The following MED12 variants were observed in gnomAD, a reference collection of about 807,000 sequenced individuals.
The protein encoded by MED12 is mediator of RNA polymerase II transcription subunit 12.
In MED12, 10 loss-of-function variants were observed where a neutral mutation model predicts 177.7. The ratio of observed to expected loss-of-function variants is 0.06; its 90% CI spans 0.03 to 0.10. The LOEUF is 0.10. Ranked by LOEUF, MED12 falls within the 10% of genes least tolerant of loss-of-function variation. The probability of loss-of-function intolerance (pLI) is 1.00; values close to 1 mark genes in which losing one functional copy is unlikely to be tolerated. For missense variants in MED12, 867 were observed against 1,780.8 expected (o/e 0.49, Z 9.23); for synonymous variants, 641 against 678.4 (o/e 0.94, Z 0.86).
chrX:71,136,114 C>T (rs1331397898), intron 36 of MED12, among the ~76,000 whole-genome samples, 167 bp from the exon 37 acceptor site: 2 of 110,142 alleles, frequency 1.8e-5, no homozygotes, highest in African/African-American at 3.3e-5. Flanking sequence ...ACTCTCTCCC[C>T]GCATAACTCT....
intron 41 of MED12, among the ~76,000 whole-genome samples, chrX:71,139,722 A>C (rs2092341786): frequency 9.0e-6 from 1 of 110,736 alleles, no homozygotes; most frequent in Admixed American, 9.6e-5. Context: ...AACATGGTGA[A>C]ATCCCGTCTC....
At position 71,121,449 on chromosome X, in the gene MED12, A is replaced by C; in HGVS notation, c.846+12A>C. On this transcript the variant is annotated intron_variant, in intron 6 of 44. Transcript: ENST00000374080. ...CTCTGCTTCTCCGAGTAAGGCTTGG[A>C]ATTTTGGTACTGGTGGGGCAGGGGG... The C allele has an allele frequency of 4.1e-6, 5 of 1,209,734 alleles. No homozygotes were observed. The highest frequency in any genetic ancestry group is 5.6e-6 in the Non-Finnish European group (5 of 894,002).
Position 71,121,888 on chromosome X carries a change from T to G in MED12, c.1101+72T>G, listed in dbSNP as rs751750422. On this transcript the variant is annotated intron_variant, in intron 7 of 44. Coordinates refer to ENST00000374080, the MANE Select transcript of MED12 (RefSeq NM_005120.3). ...AGAATCAGGTGCCCATCCCAGAGAA[T>G]AGGGGTAATTCCAAATTGGATGTGG... is the stretch of plus-strand genomic sequence containing the variant. 5.9e-6 allele frequency: 7 copies of G among 1,185,849 alleles called. No individual in the cohort carries two copies. The Admixed American group carries it at 6.6e-5, about 11-fold the overall frequency.
rs1355978865 is a variant in MED12, at chrX:71,140,245, A to AT, written c.6045-381dup. Among the ~76,000 whole-genome samples, 18 of 104,578 alleles carry AT rather than the reference A, an allele frequency of 1.7e-4. 1 individual carries two copies. The highest frequency in any genetic ancestry group is 1.2e-3 in the Admixed American group (12 of 9,744). 90.8% of individuals were successfully genotyped at this position (104,578 alleles called of 115,157 possible). On this transcript the variant is annotated intron_variant, in intron 41 of 44. Coordinates refer to ENST00000374080, the MANE Select transcript of MED12 (RefSeq NM_005120.3). ...CAGGCATCCACTACCACGCTCAGCTATTTTTTTTTGTATTTTTGCTAGAGA... is the reference window on the plus strand; with the variant it reads ...CAGGCATCCACTACCACGCTCAGCTATTTTTTTTTTGTATTTTTGCTAGAGA...
At chrX:71,127,202 A>G in intron 20 of MED12, 70 bp downstream of exon 20, 1 of 1,152,754 alleles carries the variant, frequency 8.7e-7, no homozygotes. Context: ...TGGGAAGAGC[A>G]TGCACTTCCT....
In MED12 at chrX:71,136,871, TCACA is replaced by T. The variant is rs747916738; in HGVS notation, c.5401-5_5401-2del. On this transcript the variant is annotated splice_region_variant and splice_polypyrimidine_tract_variant and intron_variant, in intron 37 of 44. Transcript: ENST00000374080. ...CCCACTCACCCTCTTCCTCTGCCAC[TCACA>T]CAGGACTATGGAATGGGCCCGGGTC... The T allele has an allele frequency of 3.3e-6, 4 of 1,209,196 alleles. No homozygotes were observed. In the South Asian group the frequency reaches 7.0e-5, roughly 21 times the overall value.
intron 35 of MED12, 94 bp from the exon 36 acceptor site, chrX:71,134,998 T>A (rs2092328597): frequency 2.6e-6 from 3 of 1,154,265 alleles, no homozygotes; most frequent in Admixed American, 4.5e-5. Context: ...TGAGTGGGGG[T>A]CTTCTCTGTG....
chrX:71,132,099 C>T lies in MED12; in HGVS notation c.4146C>T (p.Ile1382=), dbSNP rs923552252. The T allele has an allele frequency of 5.8e-6, 7 of 1,209,050 alleles. No homozygotes were observed. In the Admixed American group the frequency reaches 8.7e-5, roughly 15 times the overall value. Residue 1382 remains isoleucine (I), a synonymous_variant, in exon 30 of 45, where the codon ATC becomes ATT. Coordinates refer to ENST00000374080, the MANE Select transcript of MED12 (RefSeq NM_005120.3). ...NNEMNSLLEN[I]AKATIEVFQQ... is the part of the protein sequence containing the mutation. Reference sequence around the variant, plus strand: ...AGATGAACTCCCTCTTGGAGAACATCGCCAAGGCCACAATCGAGGTTTTCC... The same window carrying T: ...AGATGAACTCCCTCTTGGAGAACATTGCCAAGGCCACAATCGAGGTTTTCC...
chrX:71,119,539 C>T (rs1267782121), intron 2 of MED12, 62 bp downstream of exon 2: 1 of 1,105,642 alleles, frequency 9.0e-7, no homozygotes, highest in Non-Finnish European at 1.2e-6. Flanking sequence ...AGCAAAGGCC[C>T]TGGGTTGGGA....
chrX:71,126,099 T>C lies in MED12; in HGVS notation c.2486T>C (p.Ile829Thr), dbSNP rs1349164055. The change falls in exon 18 of 45, where the codon ATC becomes ACC. Residue 829 changes from isoleucine (I) to threonine (T), a missense_variant. By Grantham distance (89) the Ile-to-Thr change is moderately conservative. This residue lies in a region of MED12 where 309 missense variants were observed against 556.3 expected (regional missense o/e 0.56). Transcript: ENST00000374080. ...RPEAFPTAED[I>T]FAKFQHLSHY... ...GAAGCCTTCCCCACTGCTGAAGATA[T>C]CTTTGCTAAGTTCCAGCACCTTTCA... The C allele has an allele frequency of 1.7e-6, 2 of 1,209,852 alleles. No individual in the cohort carries two copies. Among genetic ancestry groups the C allele is most frequent in the East Asian group, 3.0e-5 (1 of 33,765 alleles).
At position 71,124,265 on chromosome X, in the gene MED12, T is replaced by G. The variant is rs1249856863; in HGVS notation, c.1851T>G (p.Thr617=). ...TCTCCCACAACATGTATACTTGCAC[T>G]CTCATCTCCCGAGGGGACCTTGCCT... ...DVFSHNMYTC[T]LISRGDLAFG... The change falls in exon 13 of 45, where the codon ACT becomes ACG. Residue 617 remains threonine, a synonymous_variant. Coordinates refer to ENST00000374080, the MANE Select transcript of MED12 (RefSeq NM_005120.3). 8.3e-7 allele frequency: 1 copy of G among 1,208,655 alleles called. No homozygotes were observed. The highest frequency in any genetic ancestry group is 1.8e-5 in the African/African-American group (1 of 57,020).
At chrX:71,141,438 G>T (rs906760415) in intron 43 of MED12, 68 bp downstream of exon 43, 12 of 1,141,244 alleles carry the variant, frequency 1.1e-5, no homozygotes, top group Non-Finnish European at 1.4e-5. Context: ...CCAGTGAACT[G>T]GGTTGGGGAC....
intron 12 of MED12, 126 bp downstream of exon 12, chrX:71,123,846 T>C: frequency 4.1e-6 from 3 of 723,169 alleles, no homozygotes; most frequent in Non-Finnish European, 6.2e-6. Flanking sequence ...AGAATGACTT[T>C]TAGATGTAGT....
At chrX:71,123,379 C>T (rs1325087841) in intron 11 of MED12, among the ~76,000 whole-genome samples, 153 bp downstream of exon 11, 1 of 110,872 alleles carries the variant, frequency 9.0e-6, no homozygotes, top group Non-Finnish European at 1.9e-5. Flanking sequence ...AAGTTACGGA[C>T]GTGAGGCGAA....
At chrX:71,134,141 G>A (rs1260247021) in intron 33 of MED12, among the ~76,000 whole-genome samples, 1 of 106,232 alleles carries the variant, frequency 9.4e-6, no homozygotes, top group African/African-American at 3.4e-5. Context: ...TGAGGCAGGA[G>A]AATGGCGTGA....
At chrX:71,119,187 A>G (rs1009660913) in intron 1 of MED12, among the ~76,000 whole-genome samples, 186 bp from the exon 2 acceptor site, 7 of 110,156 alleles carry the variant, frequency 6.4e-5, no homozygotes, top group Non-Finnish European at 1.9e-5. Context: ...TGGGAATCCT[A>G]GTGACCATGG....
rs763326717 is a variant in MED12, at chrX:71,142,239, G to T, written c.*21G>T. ...ACTGAGCCACCTGGAGGAACTGCTT[G>T]TGCACTGGATGTGGCCCCACCCTTT... is the stretch of plus-strand genomic sequence containing the variant. On this transcript the variant is annotated 3_prime_UTR_variant, in exon 45 of 45. Transcript: ENST00000374080. 10 of 1,205,335 alleles carry T rather than the reference G, an allele frequency of 8.3e-6. No individual in the cohort carries two copies. The highest frequency in any genetic ancestry group is 7.0e-5 in the South Asian group (4 of 56,856).
At chrX:71,130,543 A>G (rs2092314388) in intron 28 of MED12, among the ~76,000 whole-genome samples, 2 of 112,841 alleles carry the variant, frequency 1.8e-5, no homozygotes, top group South Asian at 7.2e-4. Flanking sequence ...CTGAATAGTA[A>G]TAGCTACTAC....
chrX:71,118,994 G>T, intron 1 of MED12, 141 bp downstream of exon 1: 1 of 482,961 alleles, frequency 2.1e-6, no homozygotes, highest in Middle Eastern at 6.0e-4. Context: ...GTGGGCTGGC[G>T]TGGGAGGGCA....
Sources: gnomAD v4.1 joint callset for allele counts (sites outside exome capture counted in the v4.1 genomes callset) on GRCh38, gnomAD v4.1.1 for gene constraint, gnomAD v4.1.1 regional missense constraint, MANE v1.5 for transcripts, NCBI Gene and HGNC (gene_info 2026-07-23, HGNC 2026-07-21) for gene names.